NEK3: variants seen among roughly 807,000 people sequenced by gnomAD.
The protein encoded by NEK3 is serine/threonine-protein kinase Nek3.
A neutral mutation model predicts 66.0 loss-of-function variants in NEK3; 54 were observed. The observed-to-expected ratio is 0.82, with a 90% CI of 0.66 to 1.03. The LOEUF (loss-of-function observed/expected upper bound fraction) is 1.03. Ranked by LOEUF, NEK3 falls within the 50% of genes least tolerant of loss-of-function variation. The pLI, the probability that NEK3 is intolerant of heterozygous loss-of-function variation, is 0.00. For synonymous variants in NEK3, 200 were observed against 206.2 expected (o/e 0.97, Z 0.26); for missense variants, 593 against 603.0 (o/e 0.98, Z 0.17).
chr13:52,148,538 T>A (rs1956313259), intron 7 of NEK3, 69 bp from the exon 8 acceptor site: 6 of 1,358,360 alleles, frequency 4.4e-6, no homozygotes, highest in Non-Finnish European at 6.3e-6. Flanking sequence ...AATAATTTCT[T>A]ACCTTTAATA....
In NEK3 at chr13:52,133,647, C is replaced by CACACACACACACACA. The variant is rs755551629; in HGVS notation, c.1436+41_1436+42insTGTGTGTGTGTGTGT. ...CACACACACACACACACACACACAC[C>CACACACACACACACA]CCCAACCCCAGCTACAGCTTTCTAT... is the stretch of plus-strand genomic sequence containing the variant. On this transcript the variant is annotated intron_variant, in intron 15 of 15. Transcript: ENST00000610828. The CACACACACACACACA allele has an allele frequency of 5.5e-4, 587 of 1,070,952 alleles. 7 individuals carry two copies. In the African/African-American group the frequency reaches 9.3e-3, roughly 17 times the overall value. 66.3% of individuals were successfully genotyped at this position (1,070,952 alleles called of 1,614,324 possible).
intron 7 of NEK3, 79 bp downstream of exon 7, chr13:52,151,067 C>T (rs947195552): frequency 2.3e-5 from 25 of 1,085,456 alleles, no homozygotes; most frequent in African/African-American, 2.0e-4. Flanking sequence ...TTTGAAGTGA[C>T]GTCAGACTCT....
At position 52,136,124 on chromosome 13, in the gene NEK3, T is replaced by C. The variant is rs559799647; in HGVS notation, c.1166A>G (p.Asp389Gly). The C allele has an allele frequency of 7.0e-5, 113 of 1,613,738 alleles. No individual in the cohort carries two copies. The highest frequency in any genetic ancestry group is 4.1e-4 in the South Asian group (37 of 91,060). Residue 389 changes from aspartate (D) to glycine (G), a missense_variant, in exon 13 of 16, where the codon GAC becomes GGC. By Grantham distance (94) the Asp-to-Gly change is moderately conservative. Coordinates refer to ENST00000610828, the MANE Select transcript of NEK3 (RefSeq NM_002498.3). ...SILTSSLTAE[D>G]DRGGSVIKYS... is the part of the protein sequence containing the mutation. ...TCAATCTGACTACTAACCTCTATCG[T>C]CCTCTGCTGTTAAACTGGAGGTGAG...
intron 10 of NEK3, among the ~76,000 whole-genome samples, chr13:52,142,648 T>G (rs530005663): frequency 6.6e-6 from 1 of 152,334 alleles, no homozygotes; most frequent in African/African-American, 2.4e-5. Context: ...AAAACAACAC[T>G]TAAAAGTTAA....
chr13:52,134,702 C>A (rs998351625), intron 14 of NEK3, among the ~76,000 whole-genome samples: 3 of 152,194 alleles, frequency 2.0e-5, no homozygotes, highest in Admixed American at 6.5e-5. Context: ...CTGGACCAGA[C>A]ACAAAATCCA....
chr13:52,152,508 TCTAAA>T (rs1384900865), intron 5 of NEK3, 96 bp downstream of exon 5: 1 of 635,064 alleles, frequency 1.6e-6, no homozygotes, highest in Non-Finnish European at 2.6e-6. Context: ...GACAAATATT[TCTAAA>T]CTAAACAAAA....
chr13:52,154,850 G>A (rs1956378813), intron 2 of NEK3, among the ~76,000 whole-genome samples: 1 of 148,972 alleles, frequency 6.7e-6, no homozygotes, highest in Non-Finnish European at 1.5e-5. Flanking sequence ...CCCAGCCACT[G>A]GGGAGGGTGA....
rs915305752 is a variant in NEK3 at position 52,144,786 on chromosome 13, T to C, written c.709A>G (p.Met237Val). Residue 237 changes from methionine to valine, a missense_variant, in exon 9 of 16, where the codon ATG (methionine) becomes GTG (valine). Transcript: ENST00000610828. ...CGATGTGAGGGATTCCTTTTAAACA[T>C]CTGCTTGACTAGGAACTGAAGTTCA... ...SYELQFLVKQMFKRNPSHRPS... is the reference protein window; with the variant it reads ...SYELQFLVKQVFKRNPSHRPS... 1.2e-6 allele frequency: 2 copies of C among 1,613,702 alleles called. No homozygotes were observed. Among genetic ancestry groups the C allele is most frequent in the African/African-American group, 1.3e-5 (1 of 75,000 alleles).
intron 11 of NEK3, among the ~76,000 whole-genome samples, chr13:52,139,358 CAA>C (rs1231530778): frequency 6.6e-6 from 1 of 152,126 alleles, no homozygotes; most frequent in Non-Finnish European, 1.5e-5. Context: ...CAATTTCACA[CAA>C]AGATTTGAGC....
rs764320561 is a variant in NEK3 at position 52,154,184 on chromosome 13, A to G, written c.118-11T>C. 2 of 1,524,478 alleles carry G rather than the reference A, an allele frequency of 1.3e-6. No homozygotes were observed. The highest frequency in any genetic ancestry group is 1.8e-6 in the Non-Finnish European group (2 of 1,112,866). 94.4% of individuals were successfully genotyped at this position (1,524,478 alleles called of 1,614,324 possible). On this transcript the variant is annotated splice_polypyrimidine_tract_variant and intron_variant, in intron 2 of 15. Transcript: ENST00000610828. ...TGTATTAGAGAAAGACTAGAAAAAC[A>G]TTTTAAATAAGCATAAACTTAATAC...
At chr13:52,151,729 C>G (rs1297243638) in intron 5 of NEK3, among the ~76,000 whole-genome samples, 1 of 152,184 alleles carries the variant, frequency 6.6e-6, no homozygotes, top group Admixed American at 6.5e-5. Flanking sequence ...AGTAAGTGGT[C>G]ACTAAAAGAG....
chr13:52,139,948 T>C (rs188448237), intron 11 of NEK3, among the ~76,000 whole-genome samples: 1 of 146,194 alleles, frequency 6.8e-6, no homozygotes, highest in Non-Finnish European at 1.5e-5. Flanking sequence ...ACACCTATAA[T>C]CCCAGCACTT....
intron 8 of NEK3, 73 bp from the exon 9 acceptor site, chr13:52,144,964 AATTATTC>A: frequency 1.0e-6 from 1 of 985,190 alleles, no homozygotes; most frequent in Non-Finnish European, 1.5e-6. Flanking sequence ...CAGTTATGTA[AATTATTC>A]TAATTTTATA....
At chr13:52,140,934 C>T (rs1956245026) in intron 11 of NEK3, 86 bp downstream of exon 11, 2 of 1,089,496 alleles carry the variant, frequency 1.8e-6, no homozygotes, top group Middle Eastern at 2.1e-4. Flanking sequence ...CCTGCCTCAA[C>T]CTCCCGAGTA....
Position 52,132,915 on chromosome 13 carries a change from T to C in NEK3, c.*227A>G. ...TCTATGGGACTGCAAAGCCCGATGC[T>C]CACACTCATTCCACTATACCTTCTC... On this transcript the variant is annotated 3_prime_UTR_variant, in exon 16 of 16. Coordinates refer to ENST00000610828, the MANE Select transcript of NEK3 (RefSeq NM_002498.3). The C allele has an allele frequency of 2.1e-6, 1 of 484,004 alleles. No homozygotes were observed. Among genetic ancestry groups the C allele is most frequent in the Non-Finnish European group, 3.7e-6 (1 of 269,804 alleles). The allele number at this position is 484,004 out of a possible 1,614,324, so 30.0% of individuals were successfully genotyped here.
chr13:52,138,912 C>CAGAG (rs144734519), intron 11 of NEK3, among the ~76,000 whole-genome samples: 5 of 148,060 alleles, frequency 3.4e-5, no homozygotes, highest in Middle Eastern at 6.9e-3. Context: ...GCCTAGACAA[C>CAGAG]AGAGAGAGAG....
intron 10 of NEK3, among the ~76,000 whole-genome samples, chr13:52,141,977 C>T (rs888530638): frequency 1.6e-4 from 24 of 151,556 alleles, no homozygotes; most frequent in Non-Finnish European, 2.9e-4. Flanking sequence ...ATCCCAGCCA[C>T]TCTGGAGGCT....
chr13:52,135,455 T>G (rs1051703129), intron 14 of NEK3, among the ~76,000 whole-genome samples: 2 of 152,126 alleles, frequency 1.3e-5, no homozygotes, highest in African/African-American at 4.8e-5. Flanking sequence ...TAGAAAAGAT[T>G]AAAAAACACC....
intron 12 of NEK3, 134 bp from the exon 13 acceptor site, chr13:52,136,393 T>C: frequency 3.2e-6 from 3 of 949,194 alleles, no homozygotes; most frequent in Non-Finnish European, 4.5e-6. Flanking sequence ...GAAAGATCAA[T>C]GTTCTTTCTA....
Sources: allele counts gnomAD v4.1 joint callset (sites outside exome capture counted in the v4.1 genomes callset), GRCh38; gene constraint gnomAD v4.1.1; transcripts MANE v1.5; gene names NCBI Gene and HGNC (gene_info 2026-07-23, HGNC 2026-07-21).